The following CMTM8 variants were observed in gnomAD, a reference collection of about 807,000 sequenced individuals.
CMTM8 encodes the protein CKLF like MARVEL transmembrane domain containing 8.
In CMTM8, 12 loss-of-function variants were observed where a neutral mutation model predicts 18.6. The ratio of observed to expected loss-of-function variants is 0.65; its 90% CI spans 0.41 to 1.05. The LOEUF (loss-of-function observed/expected upper bound fraction) is 1.05, where lower values mean the gene tolerates loss of function less well. CMTM8 is among the 50% of genes least tolerant of loss of function. The pLI, the probability that CMTM8 is intolerant of heterozygous loss-of-function variation, is 0.00. For missense variants in CMTM8, 217 were observed against 227.2 expected, an observed-to-expected ratio of 0.95 and a Z score of 0.29; for synonymous variants, 87 against 90.6, an observed-to-expected ratio of 0.96 and a Z score of 0.23.
chr3:32,298,955 ATTT>A (rs1287782949), intron 1 of CMTM8, among the ~76,000 whole-genome samples: 1 of 129,004 alleles, frequency 7.8e-6, no homozygotes, highest in Non-Finnish European at 1.6e-5. Context: ...ATATATATAT[ATTT>A]TTTTTTTTTT....
chr3:32,274,802 G>A (rs1702491680), intron 1 of CMTM8, among the ~76,000 whole-genome samples: 1 of 152,030 alleles, frequency 6.6e-6, no homozygotes, highest in Non-Finnish European at 1.5e-5. Flanking sequence ...TGTCTTTCAT[G>A]ACCTTGACAA....
chr3:32,311,824 G>A (rs928965026), intron 1 of CMTM8, among the ~76,000 whole-genome samples: 4 of 152,248 alleles, frequency 2.6e-5, no homozygotes, highest in East Asian at 1.9e-4. Flanking sequence ...CACTTCAAAC[G>A]CCAATTGCAA....
At chr3:32,271,994 G>T (rs1239803923) in intron 1 of CMTM8, among the ~76,000 whole-genome samples, 1 of 152,156 alleles carries the variant, frequency 6.6e-6, no homozygotes, top group Non-Finnish European at 1.5e-5. Context: ...ATAGTTGCCT[G>T]ATGTCTTTCT....
chr3:32,333,709 A>T (rs572846190), intron 1 of CMTM8, among the ~76,000 whole-genome samples: 3 of 151,442 alleles, frequency 2.0e-5, no homozygotes, highest in Non-Finnish European at 4.4e-5. Context: ...GTTAGAAATG[A>T]TGCAGGTGAA....
chr3:32,353,002 G>A (rs1696743093), intron 1 of CMTM8, among the ~76,000 whole-genome samples: 1 of 152,036 alleles, frequency 6.6e-6, no homozygotes, highest in South Asian at 2.1e-4. Flanking sequence ...GTGTTTTTGA[G>A]ACAGAGTCTC....
chr3:32,339,893 G>A (rs1228975507), intron 1 of CMTM8, among the ~76,000 whole-genome samples: 1 of 152,152 alleles, frequency 6.6e-6, no homozygotes, highest in East Asian at 1.9e-4. Context: ...AACCCGGGAG[G>A]CAGAGCTTGC....
In CMTM8 at chr3:32,297,869, T is replaced by C. The variant is rs73824661; in HGVS notation, c.147+58750T>C. ...GGATTTGGGAAAATGGACTGAGTGT[T>C]AATTTAAGGACTTGAAGTGTTTATG... On this transcript the variant is annotated intron_variant, in intron 1 of 3. Coordinates refer to ENST00000307526, the MANE Select transcript of CMTM8 (RefSeq NM_178868.5). Among the ~76,000 whole-genome samples the C allele has an allele frequency of 1.8e-3, 269 of 151,962 alleles. 1 individual carries two copies. Among genetic ancestry groups the C allele is most frequent in the African/African-American group, 6.0e-3 (248 of 41,498 alleles).
At chr3:32,366,178 G>A (rs1697029182) in intron 2 of CMTM8, among the ~76,000 whole-genome samples, 2 of 152,176 alleles carry the variant, frequency 1.3e-5, no homozygotes, top group African/African-American at 4.8e-5. Context: ...AGAGCCCCCA[G>A]TGTGGGGGGC....
At chr3:32,245,990 G>T (rs983163731) in intron 1 of CMTM8, among the ~76,000 whole-genome samples, 1 of 152,092 alleles carries the variant, frequency 6.6e-6, no homozygotes, top group Non-Finnish European at 1.5e-5. Flanking sequence ...GCCAATTTTT[G>T]TATTTTTAGT....
In CMTM8 at chr3:32,295,470, A is replaced by AAAAAAAAC. The variant is rs1702858308; in HGVS notation, c.147+56358_147+56359insCAAAAAAA. ...GACTCCATCTCAAAAAAAAAAAAAA[A>AAAAAAAAC]AAAAAAAACAAAACAAAACAGCGGA... On this transcript the variant is annotated intron_variant, in intron 1 of 3. Transcript: ENST00000307526. 1.4e-5 allele frequency among the ~76,000 whole-genome samples: 2 copies of AAAAAAAAC among 141,030 alleles called. 1 individual carries two copies. The highest frequency in any genetic ancestry group is 4.0e-4 in the East Asian group (2 of 5,044). 92.5% of individuals were successfully genotyped at this position (141,030 alleles called of 152,430 possible). A position where few individuals can be genotyped will look rare whatever the true frequency, so the allele number is the denominator to read the frequency against.
At chr3:32,318,055 CAAAAAAAAAAAAA>C (rs60403582) in intron 1 of CMTM8, among the ~76,000 whole-genome samples, 1 of 85,804 alleles carries the variant, frequency 1.2e-5, no homozygotes, top group Non-Finnish European at 2.4e-5. Flanking sequence ...AACTCTGTCT[CAAAAAAAAAAAAA>C]AAAAAAAAAA....
intron 1 of CMTM8, among the ~76,000 whole-genome samples, chr3:32,295,467 A>AC (rs1236775676): frequency 7.1e-6 from 1 of 141,456 alleles, no homozygotes; most frequent in Non-Finnish European, 1.5e-5. Context: ...AAAAAAAAAA[A>AC]AAAAAAAAAA....
intron 1 of CMTM8, among the ~76,000 whole-genome samples, chr3:32,268,158 A>G (rs994050335): frequency 5.3e-5 from 8 of 152,194 alleles, no homozygotes; most frequent in Non-Finnish European, 1.2e-4. Flanking sequence ...TGTTTATTGC[A>G]GCACTATTCA....
intron 1 of CMTM8, among the ~76,000 whole-genome samples, chr3:32,263,670 C>T (rs533552041): frequency 1.3e-5 from 2 of 152,174 alleles, no homozygotes; most frequent in African/African-American, 2.4e-5. Context: ...GGAGGAAGTT[C>T]GAACCCATGG....
At chr3:32,285,006 A>C (rs942886775) in intron 1 of CMTM8, among the ~76,000 whole-genome samples, 2 of 152,204 alleles carry the variant, frequency 1.3e-5, no homozygotes, top group Non-Finnish European at 2.9e-5. Flanking sequence ...GCCCCAGCGA[A>C]GGTGATCAAG....
At chr3:32,293,707 G>A (rs1484006713) in intron 1 of CMTM8, among the ~76,000 whole-genome samples, 1 of 152,164 alleles carries the variant, frequency 6.6e-6, no homozygotes, top group African/African-American at 2.4e-5. Context: ...TTAGCCAGGT[G>A]TAGTGGCACA....
At chr3:32,368,113 C>T in intron 3 of CMTM8, 125 bp downstream of exon 3, 1 of 703,144 alleles carries the variant, frequency 1.4e-6, no homozygotes, top group Non-Finnish European at 2.5e-6. Context: ...TAGCAATTGG[C>T]TTATTGATTT....
chr3:32,324,414 A>G (rs1233608616), intron 1 of CMTM8, among the ~76,000 whole-genome samples: 2 of 152,160 alleles, frequency 1.3e-5, no homozygotes, highest in African/African-American at 4.8e-5. Context: ...TGTTATCAAT[A>G]TTATCAATAC....
chr3:32,363,066 A>C (rs1696967456), intron 2 of CMTM8, among the ~76,000 whole-genome samples: 1 of 152,234 alleles, frequency 6.6e-6, no homozygotes, highest in African/African-American at 2.4e-5. Context: ...CTCTTTAACA[A>C]TATGGTCTCC....
Sources: gnomAD v4.1 joint callset for allele counts (sites outside exome capture counted in the v4.1 genomes callset) on GRCh38, gnomAD v4.1.1 for gene constraint, MANE v1.5 for transcripts, NCBI Gene and HGNC (gene_info 2026-07-23, HGNC 2026-07-21) for gene names.